The following DLG2 variants were observed in gnomAD, a reference collection of about 807,000 sequenced individuals.
DLG2 encodes the protein disks large homolog 2.
Under a neutral mutation model 132.5 loss-of-function variants are expected in DLG2, and 45 were observed. The ratio of observed to expected loss-of-function variants is 0.34; its 90% CI spans 0.27 to 0.44. DLG2 has a LOEUF of 0.44. Ranked by LOEUF, DLG2 falls within the 20% of genes least tolerant of loss-of-function variation. DLG2 has a pLI of 1.00. For missense variants in DLG2, 1,045 were observed against 1,196.9 expected (o/e 0.87, Z 1.87); for synonymous variants, 424 against 419.6 (o/e 1.01, Z -0.13).
intron 21 of DLG2, among the ~76,000 whole-genome samples, chr11:83,529,844 G>A (rs942222088): frequency 6.6e-4 from 100 of 152,044 alleles, no homozygotes; most frequent in African/African-American, 2.3e-3. Context: ...CAATAGCGAA[G>A]TCCTATAATT....
chr11:84,158,768 A>G (rs1199113922), intron 9 of DLG2, among the ~76,000 whole-genome samples: 1 of 152,016 alleles, frequency 6.6e-6, no homozygotes, highest in African/African-American at 2.4e-5. Context: ...AGCAGAAACA[A>G]AAGAAGTTCT....
intron 4 of DLG2, among the ~76,000 whole-genome samples, chr11:85,272,975 A>T (rs1308967227): frequency 1.3e-5 from 2 of 152,218 alleles, no homozygotes; most frequent in African/African-American, 4.8e-5. Flanking sequence ...CTGATCTTTG[A>T]CAAACCTGAC....
intron 3 of DLG2, among the ~76,000 whole-genome samples, chr11:85,318,327 C>A (rs1159114214): frequency 1.3e-5 from 2 of 151,762 alleles, no homozygotes; most frequent in East Asian, 3.9e-4. Context: ...AGAAATTGCA[C>A]TTTGAGAACT....
chr11:83,995,331 A>G (rs1259867866), intron 11 of DLG2, among the ~76,000 whole-genome samples: 1 of 152,174 alleles, frequency 6.6e-6, no homozygotes, highest in Non-Finnish European at 1.5e-5. Context: ...AGTCAAGTGC[A>G]AGTCCACATG....
intron 17 of DLG2, among the ~76,000 whole-genome samples, chr11:83,789,571 G>A (rs984707952): frequency 2.0e-5 from 3 of 147,730 alleles, no homozygotes; most frequent in African/African-American, 7.5e-5. Context: ...TTTTTGAGAC[G>A]AAGTCTCGCT....
At chr11:84,915,729 A>G (rs2092412541) in intron 6 of DLG2, among the ~76,000 whole-genome samples, 1 of 152,220 alleles carries the variant, frequency 6.6e-6, no homozygotes, top group East Asian at 1.9e-4. Flanking sequence ...CTTGTTGTGC[A>G]TCTATTCTTA....
chr11:84,867,588 G>T (rs1481286940), intron 6 of DLG2, among the ~76,000 whole-genome samples: 4 of 152,124 alleles, frequency 2.6e-5, no homozygotes. Context: ...ACTTACAGAG[G>T]ATTCAAAATG....
At chr11:84,196,946 A>C (rs2096526949) in intron 8 of DLG2, among the ~76,000 whole-genome samples, 1 of 150,134 alleles carries the variant, frequency 6.7e-6, no homozygotes, top group Admixed American at 6.7e-5. Context: ...CTGAGGCAAG[A>C]GAAGCGCTTG....
intron 18 of DLG2, among the ~76,000 whole-genome samples, chr11:83,668,318 A>G (rs1160124889): frequency 6.6e-6 from 1 of 152,142 alleles, no homozygotes; most frequent in African/African-American, 2.4e-5. Context: ...AGGCTCATCT[A>G]CCACTCTTCT....
At chr11:84,709,723 T>G (rs1213694609) in intron 6 of DLG2, among the ~76,000 whole-genome samples, 1 of 151,886 alleles carries the variant, frequency 6.6e-6, no homozygotes, top group Non-Finnish European at 1.5e-5. Context: ...TCTCTCCCCC[T>G]CTTCCTCCCT....
At chr11:85,092,906 G>T (rs1322843696) in intron 6 of DLG2, among the ~76,000 whole-genome samples, 2 of 152,130 alleles carry the variant, frequency 1.3e-5, no homozygotes, top group Non-Finnish European at 2.9e-5. Flanking sequence ...CTCCCAAAGT[G>T]CTGGGATTAC....
At chr11:83,827,395 C>T (rs1245288150) in intron 17 of DLG2, among the ~76,000 whole-genome samples, 2 of 152,082 alleles carry the variant, frequency 1.3e-5, no homozygotes, top group African/African-American at 4.8e-5. Flanking sequence ...TGAAGATAAC[C>T]TGAAAATTTT....
At chr11:84,703,866 A>ATATATG (rs1555174823) in intron 6 of DLG2, among the ~76,000 whole-genome samples, 1 of 118,364 alleles carries the variant, frequency 8.4e-6, no homozygotes, top group African/African-American at 4.5e-5. Context: ...AGATATATAT[A>ATATATG]TATATATATA....
chr11:85,269,550 A>T (rs1194064140), intron 4 of DLG2, among the ~76,000 whole-genome samples: 1 of 152,218 alleles, frequency 6.6e-6, no homozygotes, highest in Non-Finnish European at 1.5e-5. Context: ...AAAATATGCT[A>T]AATAATAGTA....
chr11:85,527,910 C>A (rs2074902277), intron 3 of DLG2, among the ~76,000 whole-genome samples: 1 of 152,202 alleles, frequency 6.6e-6, no homozygotes, highest in African/African-American at 2.4e-5. Flanking sequence ...GAGATAGCAT[C>A]TCATTGTGGT....
intron 6 of DLG2, among the ~76,000 whole-genome samples, chr11:85,104,899 A>AAAAAAAAAAAAAAAAAAAAAAAAAAAG (rs2071475713): frequency 8.4e-6 from 1 of 119,518 alleles, no homozygotes; most frequent in African/African-American, 3.3e-5. Context: ...AAAAAAAAAA[A>AAAAAAAAAAAAAAAAAAAAAAAAAAAG]ACAGAGAGAG....
intron 18 of DLG2, among the ~76,000 whole-genome samples, chr11:83,753,013 G>T (rs1248623425): frequency 1.3e-5 from 2 of 152,206 alleles, no homozygotes; most frequent in African/African-American, 4.8e-5. Context: ...TCCTTGAGGG[G>T]ACAGTGAATT....
chr11:84,121,805 C>T (rs1023718169), intron 9 of DLG2, among the ~76,000 whole-genome samples: 9 of 151,530 alleles, frequency 5.9e-5, no homozygotes, highest in Non-Finnish European at 1.2e-4. Flanking sequence ...TTGTGATCTG[C>T]CCGCCTCAGC....
intron 9 of DLG2, among the ~76,000 whole-genome samples, chr11:84,120,288 T>C (rs2093844847): frequency 6.6e-6 from 1 of 152,098 alleles, no homozygotes; most frequent in African/African-American, 2.4e-5. Context: ...ATAAACTAAG[T>C]AGACCCAAAT....
Sources: allele counts gnomAD v4.1 joint callset (sites outside exome capture counted in the v4.1 genomes callset), GRCh38; gene constraint gnomAD v4.1.1; transcripts MANE v1.5; gene names NCBI Gene and HGNC (gene_info 2026-07-23, HGNC 2026-07-21).